Variants in SEMA5A observed in about 807,000 individuals in gnomAD.
The protein encoded by SEMA5A is semaphorin 5A.
In SEMA5A, 55 loss-of-function variants were observed where a neutral mutation model predicts 135.5. The observed-to-expected ratio is 0.41, with a 90% CI of 0.33 to 0.51. The LOEUF (loss-of-function observed/expected upper bound fraction) is 0.51. SEMA5A is among the 20% of genes least tolerant of loss of function. The pLI is 0.37. For missense variants in SEMA5A, 1,290 were observed against 1,419.9 expected (o/e 0.91, Z 1.47); for synonymous variants, 580 against 546.5 (o/e 1.06, Z -0.85).
chr5:9,479,644 T>TACC (rs1403145049), intron 1 of SEMA5A, among the ~76,000 whole-genome samples: 1 of 152,232 alleles, frequency 6.6e-6, no homozygotes, highest in Non-Finnish European at 1.5e-5. Context: ...ATGATGTGGG[T>TACC]AAGATTTGTG....
intron 3 of SEMA5A, among the ~76,000 whole-genome samples, chr5:9,369,262 C>T (rs1171231724): frequency 1.3e-5 from 2 of 152,064 alleles, no homozygotes; most frequent in Non-Finnish European, 2.9e-5. Context: ...GTATGTATGT[C>T]AAATATTTTG....
chr5:9,433,666 G>GA (rs911427371), intron 2 of SEMA5A, among the ~76,000 whole-genome samples: 2 of 135,958 alleles, frequency 1.5e-5, no homozygotes, highest in Non-Finnish European at 3.1e-5. Flanking sequence ...ATTATTGCTT[G>GA]AAAAAAAATT....
intron 3 of SEMA5A, chr5:9,363,306 C>T (rs1754777311): frequency 6.6e-6 from 1 of 152,180 alleles, no homozygotes; most frequent in African/African-American, 2.4e-5. Flanking sequence ...ACCATGCACA[C>T]TAATCATTTA....
At chr5:9,382,846 C>A (rs1470413182) in intron 2 of SEMA5A, among the ~76,000 whole-genome samples, 1 of 152,202 alleles carries the variant, frequency 6.6e-6, no homozygotes, top group East Asian at 1.9e-4. Context: ...AACTTCAGAG[C>A]AGGCAGAAGG....
At chr5:9,420,861 A>T (rs1291799703) in intron 2 of SEMA5A, among the ~76,000 whole-genome samples, 1 of 152,026 alleles carries the variant, frequency 6.6e-6, no homozygotes, top group African/African-American at 2.4e-5. Flanking sequence ...AAAAATATAT[A>T]AAAAATTAGC....
At chr5:9,509,712 T>C (rs761007027) in intron 1 of SEMA5A, among the ~76,000 whole-genome samples, 3 of 152,220 alleles carry the variant, frequency 2.0e-5, no homozygotes, top group Non-Finnish European at 4.4e-5. Flanking sequence ...CCTCAGAATT[T>C]CATCTTAAAG....
intron 16 of SEMA5A, among the ~76,000 whole-genome samples, chr5:9,069,237 C>T (rs971409067): frequency 2.0e-5 from 3 of 152,186 alleles, no homozygotes; most frequent in Non-Finnish European, 4.4e-5. Flanking sequence ...AATCCAGATT[C>T]CCAGATGCCA....
intron 11 of SEMA5A, among the ~76,000 whole-genome samples, chr5:9,179,091 T>A (rs965000993): frequency 6.6e-6 from 1 of 152,118 alleles, no homozygotes; most frequent in South Asian, 2.1e-4. Context: ...TATAATACCA[T>A]CATCTCAAAA....
chr5:9,255,570 G>T lies in SEMA5A; in HGVS notation c.271-17680C>A, dbSNP rs537185279. Reference sequence around the variant, plus strand: ...AGCATTCCTTCTGGGACCACCTTCTGCCCATGGCTCATCCTGTCCAGGTTT... The same window carrying T: ...AGCATTCCTTCTGGGACCACCTTCTTCCCATGGCTCATCCTGTCCAGGTTT... On this transcript the variant is annotated intron_variant, in intron 5 of 22. Coordinates refer to ENST00000382496, the MANE Select transcript of SEMA5A (RefSeq NM_003966.3). Among the ~76,000 whole-genome samples, 5 of 152,224 alleles carry T rather than the reference G, an allele frequency of 3.3e-5. No homozygotes were observed. The South Asian group carries it at 1.0e-3, about 32-fold the overall frequency.
intron 1 of SEMA5A, among the ~76,000 whole-genome samples, chr5:9,539,908 C>T (rs1737984307): frequency 1.3e-5 from 2 of 152,112 alleles, no homozygotes; most frequent in African/African-American, 4.8e-5. Context: ...CTCTCCCAAC[C>T]CTCCACCTGC....
rs79350344 is a variant in SEMA5A, at chr5:9,369,221, A to G, written c.124+10602T>C. On this transcript the variant is annotated intron_variant, in intron 3 of 22. Transcript: ENST00000382496. ...GCTGGACACAAGACCACATATATAT[A>G]TGGTAAATATGTGTATCTCTGTGTG... Among the ~76,000 whole-genome samples the G allele has an allele frequency of 7.2e-3, 1,102 of 152,286 alleles. 18 individuals carry two copies. The highest frequency in any genetic ancestry group is 0.025 in the African/African-American group (1,046 of 41,554).
intron 16 of SEMA5A, among the ~76,000 whole-genome samples, chr5:9,068,833 C>G (rs1414302678): frequency 6.6e-6 from 1 of 152,162 alleles, no homozygotes; most frequent in African/African-American, 2.4e-5. Context: ...CCATAGGACT[C>G]TGTGTGCAGC....
intron 15 of SEMA5A, among the ~76,000 whole-genome samples, chr5:9,112,333 C>G (rs1431529713): frequency 1.3e-5 from 2 of 152,168 alleles, no homozygotes; most frequent in Non-Finnish European, 2.9e-5. Context: ...AGTGTTCTTT[C>G]TATTATAAAT....
intron 16 of SEMA5A, among the ~76,000 whole-genome samples, chr5:9,093,572 T>C (rs1443461165): frequency 6.6e-6 from 1 of 152,086 alleles, no homozygotes; most frequent in Non-Finnish European, 1.5e-5. Context: ...CTGGGCCTGG[T>C]GGCGCACGCC....
chr5:9,154,167 G>A (rs954966662), intron 12 of SEMA5A, among the ~76,000 whole-genome samples: 6 of 147,268 alleles, frequency 4.1e-5, no homozygotes, highest in Non-Finnish European at 8.9e-5. Flanking sequence ...ATAAGCTTGT[G>A]CCAGATTAAC....
intron 2 of SEMA5A, among the ~76,000 whole-genome samples, chr5:9,431,763 C>G (rs1376414023): frequency 6.6e-6 from 1 of 152,156 alleles, no homozygotes; most frequent in Non-Finnish European, 1.5e-5. Context: ...TCCTTACGTG[C>G]ACATGTAAAT....
chr5:9,082,970 C>A (rs1738471598), intron 16 of SEMA5A, among the ~76,000 whole-genome samples: 1 of 152,168 alleles, frequency 6.6e-6, no homozygotes, highest in African/African-American at 2.4e-5. Flanking sequence ...AAATTATCTT[C>A]TAAATATGAT....
intron 14 of SEMA5A, among the ~76,000 whole-genome samples, chr5:9,121,545 G>C (rs941503081): frequency 1.3e-5 from 2 of 152,188 alleles, no homozygotes; most frequent in African/African-American, 4.8e-5. Context: ...TATGAGCAAA[G>C]AGTATTAGCT....
chr5:9,203,318 A>G (rs1336219266), intron 8 of SEMA5A, among the ~76,000 whole-genome samples: 1 of 152,242 alleles, frequency 6.6e-6, no homozygotes, highest in Admixed American at 6.5e-5. Flanking sequence ...CAACAAGTAT[A>G]TTCACAAAGA....
Sources: gnomAD v4.1 joint callset for allele counts (sites outside exome capture counted in the v4.1 genomes callset) on GRCh38, gnomAD v4.1.1 for gene constraint, MANE v1.5 for transcripts, NCBI Gene and HGNC (gene_info 2026-07-23, HGNC 2026-07-21) for gene names.